Variants in TAF6 observed in about 807,000 individuals in gnomAD.
TAF6 encodes transcription initiation factor TFIID subunit 6.
In TAF6, 50 loss-of-function variants were observed where a neutral mutation model predicts 73.5. The observed-to-expected ratio is 0.68, with a 90% CI of 0.54 to 0.86. TAF6 has a LOEUF of 0.86. TAF6 is among the 40% of genes least tolerant of loss of function. The probability of loss-of-function intolerance (pLI) is 0.00; values close to 1 mark genes in which losing one functional copy is unlikely to be tolerated. For synonymous variants in TAF6, 424 were observed against 376.7 expected, an observed-to-expected ratio of 1.13 and a Z score of -1.45; for missense variants, 768 against 899.5, an observed-to-expected ratio of 0.85 and a Z score of 1.87.
intron 1 of TAF6, chr7:100,118,877 T>TA: frequency 1.0e-6 from 1 of 985,340 alleles, no homozygotes; most frequent in Non-Finnish European, 1.2e-6. Context: ...ATTCGAGACA[T>TA]ACTCTGTGCC....
chr7:100,110,482 C>T (rs1797069363), intron 10 of TAF6: 6 of 474,194 alleles, frequency 1.3e-5, no homozygotes, highest in South Asian at 8.1e-5. Context: ...CCCTAGTCAA[C>T]ATGGTGAAAC....
chr7:100,111,180 T>C lies in TAF6; in HGVS notation c.1042A>G (p.Thr348Ala), dbSNP rs758231651. 1 of 1,614,178 alleles carries C rather than the reference T, an allele frequency of 6.2e-7. No individual in the cohort carries two copies. The highest frequency in any genetic ancestry group is 1.1e-5 in the South Asian group (1 of 91,078). Residue 348 changes from threonine (T) to alanine (A), a missense_variant, in exon 10 of 15, where the codon ACT becomes GCT. Transcript: ENST00000453269. ...GTGATCCGGGACTGGATGTTGTTAG[T>C]GGTTGTGCTAAAATGCTTGCAGATC... Reference protein sequence around the residue: ...AQICKHFSTTTNNIQSRITKT... With the variant: ...AQICKHFSTTANNIQSRITKT...
chr7:100,113,839 C>T (rs781550862), intron 3 of TAF6, 29 bp downstream of exon 3: 20 of 150,424 alleles, frequency 1.3e-4, no homozygotes, highest in Non-Finnish European at 1.8e-4. Flanking sequence ...TGGCGTCTCA[C>T]CCCCCCCCCG....
chr7:100,123,767 G>A (rs1004206264), upstream of TAF6, among the ~76,000 whole-genome samples: 9 of 152,152 alleles, frequency 5.9e-5, no homozygotes, highest in Admixed American at 6.5e-5. Flanking sequence ...TGATCCACCC[G>A]CCTTGGCCTC....
At chr7:100,118,911 G>A (rs1797908000) in intron 1 of TAF6, 5 of 985,206 alleles carry the variant, frequency 5.1e-6, no homozygotes, top group African/African-American at 1.7e-5. Context: ...ACAAGAGGGG[G>A]TCGTGTCCCA....
intron 14 of TAF6, 135 bp from the exon 15 acceptor site, chr7:100,107,758 G>A (rs1371776026): frequency 1.1e-5 from 15 of 1,425,838 alleles, no homozygotes; most frequent in Middle Eastern, 2.5e-4. Flanking sequence ...TATGGCTGGA[G>A]ACCTTGTTCA....
At chr7:100,109,279 C>A (rs1454428005) in intron 12 of TAF6, among the ~76,000 whole-genome samples, 1 of 150,658 alleles carries the variant, frequency 6.6e-6, no homozygotes, top group South Asian at 2.1e-4. Flanking sequence ...AGCCTGAGAT[C>A]GCACCACTGC....
upstream of TAF6, chr7:100,119,558 G>T (rs944818785): frequency 5.1e-5 from 71 of 1,399,684 alleles, no homozygotes; most frequent in African/African-American, 8.5e-4. Flanking sequence ...TTCAAGAGGC[G>T]CCACAAAACG....
rs1298265508 is a variant in TAF6 at position 100,108,039 on chromosome 7, G to A, written c.1543C>T (p.Leu515Phe). 2.5e-6 allele frequency: 4 copies of A among 1,613,626 alleles called. No homozygotes were observed. Among genetic ancestry groups the A allele is most frequent in the African/African-American group, 2.7e-5 (2 of 74,940 alleles). ...GCAGACACCAGTGTCTGGACAGGAA[G>A]TGCGATGGAGCCAGGAACCTTCAGC... is the stretch of plus-strand genomic sequence containing the variant. The part of the protein sequence containing the change: ...GLLKVPGSIA[L>F]PVQTLVSARA... The change falls in exon 14 of 15, where the codon CTT becomes TTT. Residue 515 changes from leucine (L) to phenylalanine (F), a missense_variant. Physicochemically the swap from Leu to Phe is conservative, Grantham distance 22. Around this residue, in one of 5 missense-constraint regions of TAF6, gnomAD observed 350 missense variants for 352.3 expected, o/e 0.99. Transcript: ENST00000453269.
At chr7:100,116,215 A>G (rs1262821748) in intron 1 of TAF6, among the ~76,000 whole-genome samples, 1 of 152,136 alleles carries the variant, frequency 6.6e-6, no homozygotes, top group African/African-American at 2.4e-5. Flanking sequence ...CCATAAAGTA[A>G]AACCTGAAAT....
intron 1 of TAF6, among the ~76,000 whole-genome samples, chr7:100,116,054 G>A (rs879423340): frequency 6.6e-6 from 1 of 152,056 alleles, no homozygotes; most frequent in Admixed American, 6.6e-5. Flanking sequence ...TATCCACTGG[G>A]TAACTCCAAA....
upstream of TAF6, chr7:100,124,799 G>C (rs760842898): frequency 2.5e-6 from 4 of 1,570,818 alleles, no homozygotes; most frequent in Admixed American, 1.7e-5. Flanking sequence ...GGAAGAGCAG[G>C]AGGAGGAGGA....
intron 1 of TAF6, among the ~76,000 whole-genome samples, chr7:100,116,220 T>G: frequency 6.6e-6 from 1 of 152,064 alleles, no homozygotes; most frequent in Non-Finnish European, 1.5e-5. Flanking sequence ...AAGTAAAACC[T>G]GAAATCCTTA....
At chr7:100,118,257 G>A (rs1797845139) in intron 1 of TAF6, 1 of 151,364 alleles carries the variant, frequency 6.6e-6, no homozygotes, top group Non-Finnish European at 1.5e-5. Context: ...GGAGGCTGAG[G>A]TGGGAGAACC....
rs1218236764 is a variant in TAF6, at chr7:100,118,918, C to A, written c.-60+286G>T. On this transcript the variant is annotated intron_variant, in intron 1 of 14. Transcript: ENST00000453269. ...CCGGGTTTACAAGAGGGGGTCGTGT[C>A]CCACTTCCCTGGCGAACTCCTACGA... 5.1e-6 allele frequency: 5 copies of A among 985,182 alleles called. No individual in the cohort carries two copies. The African/African-American group carries it at 8.7e-5, about 17-fold the overall frequency. The allele number at this position is 985,182 out of a possible 1,614,324, so 61.0% of individuals were successfully genotyped here.
At position 100,108,010 on chromosome 7, in the gene TAF6, T is replaced by C; in HGVS notation, c.1572A>G (p.Arg524=). 1 of 1,613,954 alleles carries C rather than the reference T, an allele frequency of 6.2e-7. No individual in the cohort carries two copies. Among genetic ancestry groups the C allele is most frequent in the South Asian group, 1.1e-5 (1 of 91,062 alleles). Residue 524 remains arginine, a synonymous_variant, in exon 14 of 15, where the codon CGA becomes CGG. Coordinates refer to ENST00000453269, the MANE Select transcript of TAF6 (RefSeq NM_139315.3). ...ALPVQTLVSA[R]AAAPPQPSPP... ...GGGAAGGCTGTGGTGGGGCAGCCGCTCGTGCAGACACCAGTGTCTGGACAG... is the reference window on the plus strand; with the variant it reads ...GGGAAGGCTGTGGTGGGGCAGCCGCCCGTGCAGACACCAGTGTCTGGACAG...
the TAF6 span, among the ~76,000 whole-genome samples, chr7:100,126,185 CA>C: frequency 5.0e-5 from 7 of 140,264 alleles, no homozygotes; most frequent in South Asian, 2.3e-4. Context: ...GACTCCGTCT[CA>C]AAAAAAAAAG....
At chr7:100,121,116 A>ATATACATATAT (rs1584585316), upstream of TAF6, 8 of 52,796 alleles carry the variant, frequency 1.5e-4, no homozygotes, top group Non-Finnish European at 2.2e-4. Flanking sequence ...ATATATATAT[A>ATATACATATAT]TTTTTTTTTT....
chr7:100,109,601 A>G (rs896096220), intron 12 of TAF6, among the ~76,000 whole-genome samples: 1 of 150,258 alleles, frequency 6.7e-6, no homozygotes, highest in African/African-American at 2.4e-5. Flanking sequence ...GGTTCAAGCA[A>G]TCCTCCCACC....
Sources: gnomAD v4.1 joint callset for allele counts (sites outside exome capture counted in the v4.1 genomes callset) on GRCh38, gnomAD v4.1.1 for gene constraint, gnomAD v4.1.1 regional missense constraint, MANE v1.5 for transcripts, NCBI Gene and HGNC (gene_info 2026-07-23, HGNC 2026-07-21) for gene names.